Variants in NABP2 observed in about 807,000 individuals in gnomAD.
NABP2 encodes nucleic acid binding protein 2.
A neutral mutation model predicts 22.7 loss-of-function variants in NABP2; 7 were observed. The ratio of observed to expected loss-of-function variants is 0.31; its 90% CI spans 0.18 to 0.58. The LOEUF (loss-of-function observed/expected upper bound fraction) is 0.58, where lower values mean the gene tolerates loss of function less well. NABP2 is among the 20% of genes least tolerant of loss of function. The probability of loss-of-function intolerance (pLI) is 0.89; values close to 1 mark genes in which losing one functional copy is unlikely to be tolerated. For synonymous variants in NABP2, 107 were observed against 99.2 expected, an observed-to-expected ratio of 1.08 and a Z score of -0.47; for missense variants, 188 against 265.9, an observed-to-expected ratio of 0.71 and a Z score of 2.04.
chr12:56,223,025 G>A (rs1170949064), upstream of NABP2, among the ~76,000 whole-genome samples: 2 of 152,162 alleles, frequency 1.3e-5, no homozygotes, highest in African/African-American at 4.8e-5. Context: ...CACGAGGTCA[G>A]GAGTTTGAGC....
chr12:56,229,088 C>CA lies in NABP2; in HGVS notation c.511_512insA (p.Pro171HisfsTer30). The CA allele has an allele frequency of 1.7e-6, 1 of 586,442 alleles. No individual in the cohort carries two copies. The highest frequency in any genetic ancestry group is 1.4e-5 in the South Asian group (1 of 69,948). The allele number at this position is 586,442 out of a possible 1,614,324, so 36.3% of individuals were successfully genotyped here. On this transcript the variant is annotated frameshift_variant, in exon 7 of 7. Coordinates refer to ENST00000267023, the MANE Select transcript of NABP2 (RefSeq NM_024068.4). LOFTEE classifies it high-confidence loss of function. ...TGGTGGCCCACATCCCCCTCATACT[C>CA]CCTCCCACCCACCCAGCACCCGAAT...
At chr12:56,228,825 G>A (rs1038827261) in intron 6 of NABP2, among the ~76,000 whole-genome samples, 189 bp from the exon 7 acceptor site, 6 of 152,288 alleles carry the variant, frequency 3.9e-5, no homozygotes, top group African/African-American at 7.2e-5. Context: ...CTAAATGATC[G>A]TGTAAGTCTT....
chr12:56,226,091 C>A, intron 4 of NABP2, 88 bp from the exon 5 acceptor site: 1 of 1,200,600 alleles, frequency 8.3e-7, no homozygotes, highest in Non-Finnish European at 1.2e-6. Context: ...TGTGAGTGAC[C>A]ACACCGAACC....
In NABP2 at chr12:56,229,741, A is replaced by AAAAG. The variant is rs60369016; in HGVS notation, c.*556_*559dup. 0.016 allele frequency: 2,393 copies of AAAAG among 150,500 alleles called. 25 individuals are homozygous for AAAAG. The highest frequency in any genetic ancestry group is 0.035 in the Middle Eastern group (10 of 288). 9.3% of individuals were successfully genotyped at this position (150,500 alleles called of 1,614,324 possible). ...AAGAGCGAAACTCCATCTCAAAAAA[A>AAAAG]AAAGAAAGAAAGAAAGAAAGAAAGA... On this transcript the variant is annotated 3_prime_UTR_variant, in exon 7 of 7. Coordinates refer to ENST00000267023, the MANE Select transcript of NABP2 (RefSeq NM_024068.4).
upstream of NABP2, among the ~76,000 whole-genome samples, chr12:56,222,861 C>G (rs1869561753): frequency 6.6e-6 from 1 of 152,170 alleles, no homozygotes; most frequent in Non-Finnish European, 1.5e-5. Flanking sequence ...CTTTTGTGGA[C>G]AATTTGACAG....
upstream of NABP2, among the ~76,000 whole-genome samples, chr12:56,222,882 G>T (rs572046327): frequency 1.3e-5 from 2 of 152,256 alleles, no homozygotes; most frequent in African/African-American, 4.8e-5. Context: ...GTCCCAAAAG[G>T]AACTAAAGTT....
At chr12:56,226,290 G>C (rs1378209051) in intron 5 of NABP2, 30 bp downstream of exon 5, 1 of 1,614,036 alleles carries the variant, frequency 6.2e-7, no homozygotes. Flanking sequence ...TGGTGGGAAA[G>C]GAGGGCAGAT....
chr12:56,229,734 C>CA lies in NABP2; in HGVS notation c.*531dup, dbSNP rs753131397. 2.5e-4 allele frequency: 24 copies of CA among 96,130 alleles called. No individual in the cohort carries two copies. Among genetic ancestry groups the CA allele is most frequent in the Middle Eastern group, 5.4e-3 (1 of 186 alleles). The allele number at this position is 96,130 out of a possible 1,614,324, so 6.0% of individuals were successfully genotyped here. ...GGGCAATAAGAGCGAAACTCCATCT[C>CA]AAAAAAAAAAGAAAGAAAGAAAGAA... On this transcript the variant is annotated 3_prime_UTR_variant, in exon 7 of 7. Transcript: ENST00000267023.
At position 56,224,888 on chromosome 12, in the gene NABP2, AG is replaced by A; in HGVS notation, c.33del (p.Lys11AsnfsTer7). ...ACGGAGACCTTTGTGAAGGATATCA[AG>A]CCTGGGCTCAAGAATCTGAACCTTA... MTTETFVKDI[K>X]PGLKNLNLIF... On this transcript the variant is annotated frameshift_variant, in exon 2 of 7. Coordinates refer to ENST00000267023, the MANE Select transcript of NABP2 (RefSeq NM_024068.4). LOFTEE classifies it high-confidence loss of function. The A allele has an allele frequency of 6.2e-7, 1 of 1,613,510 alleles. No individual in the cohort carries two copies. The highest frequency in any genetic ancestry group is 8.5e-7 in the Non-Finnish European group (1 of 1,179,814).
intron 6 of NABP2, 113 bp downstream of exon 6, chr12:56,226,532 T>G: frequency 3.1e-6 from 2 of 648,710 alleles, no homozygotes; most frequent in Non-Finnish European, 5.5e-6. Context: ...CAGTGTATCC[T>G]CCTTCACCCA....
At chr12:56,224,793 G>C in intron 1 of NABP2, 41 bp from the exon 2 acceptor site, 1 of 1,557,620 alleles carries the variant, frequency 6.4e-7, no homozygotes, top group Admixed American at 1.7e-5. Context: ...TGGGGGCAAA[G>C]GATCCAAGCA....
Position 56,229,018 on chromosome 12 carries a change from T to C in NABP2, c.441T>C (p.Ser147=). ...TTGPSAASPA[S]ENQNGNGLSA... is the part of the protein sequence containing the mutation. ...TTCTTCTCCTCCCACAATTAGCCTC[T>C]GAGAACCAGAATGGGAATGGACTGA... Residue 147 remains serine, a synonymous_variant, in exon 7 of 7, where the codon TCT becomes TCC. Transcript: ENST00000267023. 2 of 1,612,430 alleles carry C rather than the reference T, an allele frequency of 1.2e-6. No homozygotes were observed. The highest frequency in any genetic ancestry group is 1.7e-6 in the Non-Finnish European group (2 of 1,179,352).
intron 1 of NABP2, 58 bp downstream of exon 1, chr12:56,224,499 G>T: frequency 9.3e-7 from 1 of 1,079,098 alleles, no homozygotes; most frequent in Non-Finnish European, 1.1e-6. Flanking sequence ...TTGTCGGGAT[G>T]AGGGTTCCGG....
chr12:56,222,646 A>G (rs1458904724), upstream of NABP2, among the ~76,000 whole-genome samples: 1 of 152,206 alleles, frequency 6.6e-6, no homozygotes, highest in Non-Finnish European at 1.5e-5. Flanking sequence ...GTCAATGTGG[A>G]GCCTAAAGAG....
upstream of NABP2, chr12:56,224,204 C>T (rs1869646669): frequency 2.2e-6 from 1 of 455,596 alleles, no homozygotes; most frequent in Non-Finnish European, 2.9e-6. Context: ...CCTTTAATAC[C>T]TGAAATTCGC....
chr12:56,224,353 T>C lies in NABP2; in HGVS notation c.-112T>C. The C allele has an allele frequency of 1.0e-6, 1 of 987,986 alleles. No individual in the cohort carries two copies. Among genetic ancestry groups the C allele is most frequent in the East Asian group, 1.1e-4 (1 of 8,902 alleles). The allele number at this position is 987,986 out of a possible 1,614,324, so 61.2% of individuals were successfully genotyped here. On this transcript the variant is annotated 5_prime_UTR_variant, in exon 1 of 7. Coordinates refer to ENST00000267023, the MANE Select transcript of NABP2 (RefSeq NM_024068.4). ...TTCCGGGAATGTCCGCACTCCCGCG[T>C]TCCACGGGGCAGCATCCGGCGGCAG...
At chr12:56,224,150 A>G (rs1357621300), upstream of NABP2, among the ~76,000 whole-genome samples, 6 of 152,144 alleles carry the variant, frequency 3.9e-5, no homozygotes, top group South Asian at 8.3e-4. Flanking sequence ...TGCGCCTTCT[A>G]GTGGTGGATT....
At position 56,229,445 on chromosome 12, in the gene NABP2, C is replaced by T. The variant is rs899350681; in HGVS notation, c.*232C>T. On this transcript the variant is annotated 3_prime_UTR_variant, in exon 7 of 7. Coordinates refer to ENST00000267023, the MANE Select transcript of NABP2 (RefSeq NM_024068.4). ...TGCTCTCTTTCCTCTTTAGAAATGG[C>T]AGTTACTGGCTGGGCGCAGTGGCTC... 4.4e-5 allele frequency: 24 copies of T among 551,024 alleles called. No homozygotes were observed. The highest frequency in any genetic ancestry group is 3.6e-4 in the African/African-American group (19 of 52,762). 34.1% of individuals were successfully genotyped at this position (551,024 alleles called of 1,614,324 possible). A position where few individuals can be genotyped will look rare whatever the true frequency, so the allele number is the denominator to read the frequency against.
At chr12:56,228,196 AAAAT>A (rs1283713920) in intron 6 of NABP2, among the ~76,000 whole-genome samples, 3 of 152,186 alleles carry the variant, frequency 2.0e-5, no homozygotes, top group Non-Finnish European at 2.9e-5. Context: ...CCAACTCAAA[AAAAT>A]AAATAAATAA....
Sources: allele counts gnomAD v4.1 joint callset (sites outside exome capture counted in the v4.1 genomes callset), GRCh38; gene constraint gnomAD v4.1.1; transcripts MANE v1.5; gene names NCBI Gene and HGNC (gene_info 2026-07-23, HGNC 2026-07-21).